The following LEO1 variants were observed in gnomAD, a reference collection of about 807,000 sequenced individuals.
LEO1 encodes the protein LEO1 component of Paf1/RNA polymerase II complex, also known as RNA polymerase-associated protein LEO1.
LEO1 carries 34 observed loss-of-function variants against 80.4 expected under a neutral mutation model. The ratio of observed to expected loss-of-function variants is 0.42; its 90% CI spans 0.32 to 0.56. The LOEUF is 0.56. Ranked by LOEUF, LEO1 falls within the 20% of genes least tolerant of loss-of-function variation. The pLI is 0.10. For missense variants in LEO1, 631 were observed against 814.2 expected, an observed-to-expected ratio of 0.77 and a Z score of 2.74; for synonymous variants, 262 against 274.9, an observed-to-expected ratio of 0.95 and a Z score of 0.46.
rs2056912314 is a variant in LEO1, at chr15:51,947,503, C to A, written c.1799-114G>T. 3 of 697,086 alleles carry A rather than the reference C, an allele frequency of 4.3e-6. No homozygotes were observed. The East Asian group carries it at 8.0e-5, about 19-fold the overall frequency. The allele number at this position is 697,086 out of a possible 1,614,324, so 43.2% of individuals were successfully genotyped here. ...CAATCATGGCTCACTGCAGCCTTGA[C>A]CTCCTGGGCTTAGGTGATCCTCCTG... On this transcript the variant is annotated intron_variant, in intron 10 of 11. Transcript: ENST00000299601.
intron 1 of LEO1, among the ~76,000 whole-genome samples, chr15:51,967,199 A>G (rs1200615625): frequency 2.0e-5 from 3 of 152,134 alleles, no homozygotes. Flanking sequence ...GAGGCCAGGC[A>G]TGGTGGTTCA....
chr15:51,956,422 C>CAAAAA (rs34613118), intron 6 of LEO1, among the ~76,000 whole-genome samples: 1 of 78,572 alleles, frequency 1.3e-5, no homozygotes, highest in Admixed American at 1.4e-4. Context: ...GACTCCATCT[C>CAAAAA]AAAAAAAAAA....
chr15:51,953,352 G>A (rs2056963921), intron 7 of LEO1, 89 bp from the exon 8 acceptor site: 2 of 1,395,022 alleles, frequency 1.4e-6, no homozygotes, highest in Non-Finnish European at 2.0e-6. Context: ...GCTGGGCACA[G>A]TGGCCCACAT....
chr15:51,964,284 G>A (rs2057057216), intron 2 of LEO1, among the ~76,000 whole-genome samples: 1 of 151,948 alleles, frequency 6.6e-6, no homozygotes, highest in African/African-American at 2.4e-5. Flanking sequence ...ATCATTCTCA[G>A]CAAACTATCA....
chr15:51,939,324 A>G (rs1020406892), intron 11 of LEO1, among the ~76,000 whole-genome samples: 1 of 152,206 alleles, frequency 6.6e-6, no homozygotes, highest in Non-Finnish European at 1.5e-5. Context: ...TGGTATGCCC[A>G]CTTTTTTCTG....
chr15:51,954,683 G>C, intron 6 of LEO1, 108 bp from the exon 7 acceptor site: 1 of 724,084 alleles, frequency 1.4e-6, no homozygotes, highest in Admixed American at 2.1e-5. Flanking sequence ...AGAGGTGACA[G>C]ATGTATGTGT....
chr15:51,954,569 T>C lies in LEO1; in HGVS notation c.1252A>G (p.Asn418Asp). The C allele has an allele frequency of 6.2e-7, 1 of 1,600,536 alleles. No individual in the cohort carries two copies. The highest frequency in any genetic ancestry group is 8.6e-7 in the Non-Finnish European group (1 of 1,167,898). ...GRTRLKLKVE[N>D]TIRWRIRRDE... ...CGGCGTATCCTCCATCTTATAGTAT[T>C]TTCTACCTGTTTCACAACACAAGTA... The change falls in exon 7 of 12, where the codon AAT becomes GAT. Residue 418 changes from asparagine (N) to aspartate (D), a missense_variant. This residue lies in a region of LEO1 where 95 missense variants were observed against 171.7 expected (regional missense o/e 0.55). Coordinates refer to ENST00000299601, the MANE Select transcript of LEO1 (RefSeq NM_138792.4).
chr15:51,946,834 A>T (rs924241409), intron 11 of LEO1, among the ~76,000 whole-genome samples: 1 of 152,252 alleles, frequency 6.6e-6, no homozygotes, highest in Admixed American at 6.5e-5. Context: ...GAGCCACTGC[A>T]TCCAACCAAG....
intron 5 of LEO1, among the ~76,000 whole-genome samples, 178 bp from the exon 6 acceptor site, chr15:51,959,004 CTT>C (rs779645883): frequency 1.1e-4 from 16 of 140,310 alleles, no homozygotes; most frequent in East Asian, 2.1e-4. Flanking sequence ...GTACTTTTTT[CTT>C]TTTTTTTTTT....
rs183895724 is a variant in LEO1 at position 51,956,976 on chromosome 15, G to A, written c.1245+1766C>T. ...GGAGTAGCTGTGACTATGGGCATGC[G>A]CCATCTCTGCTGGCTAATTTTTTTT... On this transcript the variant is annotated intron_variant, in intron 6 of 11. Coordinates refer to ENST00000299601, the MANE Select transcript of LEO1 (RefSeq NM_138792.4). Among the ~76,000 whole-genome samples, 206 of 152,136 alleles carry A rather than the reference G, an allele frequency of 1.4e-3. 7 individuals carry two copies. The highest frequency in any genetic ancestry group is 9.3e-3 in the East Asian group (48 of 5,172).
chr15:51,969,892 G>A (rs2057109285), intron 1 of LEO1, among the ~76,000 whole-genome samples: 1 of 145,700 alleles, frequency 6.9e-6, no homozygotes, highest in African/African-American at 2.5e-5. Flanking sequence ...CTTTGGGAAA[G>A]TGTAAACTGA....
Position 51,962,376 on chromosome 15 carries a change from A to T in LEO1, c.919+13T>A. 2 of 1,513,450 alleles carry T rather than the reference A, an allele frequency of 1.3e-6. No individual in the cohort carries two copies. The highest frequency in any genetic ancestry group is 1.8e-6 in the Non-Finnish European group (2 of 1,093,082). The allele number at this position is 1,513,450 out of a possible 1,614,324, so 93.8% of individuals were successfully genotyped here. ...GTATGGAAATATACATATATATATA[A>T]TAATAGGGATACCTTTTGGCACCTC... On this transcript the variant is annotated intron_variant, in intron 3 of 11. Transcript: ENST00000299601.
chr15:51,968,707 T>C (rs149625925), intron 1 of LEO1, among the ~76,000 whole-genome samples: 52 of 151,984 alleles, frequency 3.4e-4, no homozygotes, highest in African/African-American at 1.1e-3. Flanking sequence ...TGCATGCCTG[T>C]AGTCCCAGCT....
At position 51,946,895 on chromosome 15, in the gene LEO1, A is replaced by G. The variant is rs116567756; in HGVS notation, c.1896+397T>C. The G allele has an allele frequency of 5.2e-3, 854 of 162,972 alleles. 10 individuals are homozygous for G. The highest frequency in any genetic ancestry group is 0.019 in the African/African-American group (783 of 41,732). 10.1% of individuals were successfully genotyped at this position (162,972 alleles called of 1,614,324 possible). A position where few individuals can be genotyped will look rare whatever the true frequency, so the allele number is the denominator to read the frequency against. Reference sequence around the variant, plus strand: ...AAAAAATACTGAGAAGTTTTACAAAAAGGAGATACACCCTCTGGTCTACCA... The same window carrying G: ...AAAAAATACTGAGAAGTTTTACAAAGAGGAGATACACCCTCTGGTCTACCA... On this transcript the variant is annotated intron_variant, in intron 11 of 11. Transcript: ENST00000299601.
At chr15:51,971,043 A>G (rs2057118842) in intron 1 of LEO1, among the ~76,000 whole-genome samples, 1 of 152,162 alleles carries the variant, frequency 6.6e-6, no homozygotes, top group South Asian at 2.1e-4. Context: ...CATTTCATCA[A>G]CAAATCCTTC....
chr15:51,958,602 T>A, intron 6 of LEO1, 140 bp downstream of exon 6: 1 of 613,672 alleles, frequency 1.6e-6, no homozygotes, highest in Non-Finnish European at 2.9e-6. Flanking sequence ...TTCCTAATAG[T>A]CAACAAAAGC....
chr15:51,943,340 C>T (rs376345736), intron 11 of LEO1, among the ~76,000 whole-genome samples: 1 of 151,322 alleles, frequency 6.6e-6, no homozygotes, highest in East Asian at 1.9e-4. Flanking sequence ...GATCACGCCA[C>T]TGCACTCCAG....
intron 11 of LEO1, among the ~76,000 whole-genome samples, chr15:51,939,204 A>C (rs1357422519): frequency 6.6e-6 from 1 of 152,108 alleles, no homozygotes; most frequent in Admixed American, 6.6e-5. Context: ...TAAATAAATA[A>C]ATAAAAATTA....
chr15:51,963,190 C>A (rs2057045302), intron 2 of LEO1, among the ~76,000 whole-genome samples: 1 of 152,038 alleles, frequency 6.6e-6, no homozygotes, highest in African/African-American at 2.4e-5. Context: ...GCAAGAGAAT[C>A]ATTTGAACCT....
Sources: allele counts gnomAD v4.1 joint callset (sites outside exome capture counted in the v4.1 genomes callset), GRCh38; gene constraint gnomAD v4.1.1; regional missense constraint gnomAD v4.1.1; transcripts MANE v1.5; gene names NCBI Gene and HGNC (gene_info 2026-07-23, HGNC 2026-07-21).